The following SLC41A2 variants were observed in gnomAD, a reference collection of about 807,000 sequenced individuals.
SLC41A2 encodes SLC41A1-like 1.
SLC41A2 carries 32 observed loss-of-function variants against 58.3 expected under a neutral mutation model. The observed-to-expected ratio is 0.55, with a 90% CI of 0.41 to 0.74. The LOEUF (loss-of-function observed/expected upper bound fraction) is 0.74. SLC41A2 is among the 30% of genes least tolerant of loss of function. The probability of loss-of-function intolerance (pLI) is 0.00; values close to 1 mark genes in which losing one functional copy is unlikely to be tolerated. For missense variants in SLC41A2, 514 were observed against 680.6 expected, an observed-to-expected ratio of 0.76 and a Z score of 2.72; for synonymous variants, 190 against 235.0, an observed-to-expected ratio of 0.81 and a Z score of 1.75.
At chr12:104,807,571 C>T (rs2040970230) in intron 10 of SLC41A2, among the ~76,000 whole-genome samples, 2 of 152,238 alleles carry the variant, frequency 1.3e-5, no homozygotes, top group African/African-American at 4.8e-5. Flanking sequence ...TCCATATGAA[C>T]TTTAAAGTAG....
At position 104,943,709 on chromosome 12, in the gene SLC41A2, GA is replaced by G. The variant is rs57641660; in HGVS notation, c.-168+14378del. On this transcript the variant is annotated intron_variant, in intron 1 of 10. Transcript: ENST00000258538. The stretch of plus-strand genomic sequence containing the variant: ...AACAGTACTTGGGTTTTCCTGCTGA[GA>G]GGGGGGACTGAGAGACAGGACTAGC... 8.7e-4 allele frequency among the ~76,000 whole-genome samples: 132 copies of G among 152,278 alleles called. 1 individual carries two copies. The highest frequency in any genetic ancestry group is 3.0e-3 in the African/African-American group (125 of 41,544).
chr12:104,813,194 AT>A (rs1474669451), intron 10 of SLC41A2, among the ~76,000 whole-genome samples: 2 of 152,056 alleles, frequency 1.3e-5, no homozygotes, highest in South Asian at 4.1e-4. Context: ...AGAAAAAAAA[AT>A]AAAATAAAAA....
Position 104,860,784 on chromosome 12 carries a change from G to A in SLC41A2, c.1255+507C>T, listed in dbSNP as rs569313217. ...ATAGAGATGGGGGTCTCACTATGTT[G>A]CCCTGGCCTCAAACCCCTAACCTCA... is the stretch of plus-strand genomic sequence containing the variant. On this transcript the variant is annotated intron_variant, in intron 8 of 10. Coordinates refer to ENST00000258538, the MANE Select transcript of SLC41A2 (RefSeq NM_001352171.3). Among the ~76,000 whole-genome samples, 25 of 151,912 alleles carry A rather than the reference G, an allele frequency of 1.6e-4. No homozygotes were observed. In the South Asian group the frequency reaches 5.2e-3, roughly 32 times the overall value.
intron 6 of SLC41A2, 73 bp from the exon 7 acceptor site, chr12:104,866,652 CAA>C (rs2043480258): frequency 7.8e-7 from 1 of 1,283,280 alleles, no homozygotes; most frequent in African/African-American, 1.5e-5. Context: ...TCTAAATTAT[CAA>C]AGTTTACTAG....
intron 5 of SLC41A2, 129 bp downstream of exon 5, chr12:104,888,904 T>G (rs2044805366): frequency 3.1e-6 from 3 of 979,496 alleles, no homozygotes; most frequent in Non-Finnish European, 4.3e-6. Context: ...TAAGGCATTT[T>G]TTAAGTTTGT....
At chr12:104,896,131 A>T (rs2045270674) in intron 3 of SLC41A2, among the ~76,000 whole-genome samples, 1 of 152,190 alleles carries the variant, frequency 6.6e-6, no homozygotes, top group Admixed American at 6.5e-5. Context: ...CAAATGATCT[A>T]TAGATAAGTT....
chr12:104,853,917 T>TATTA (rs1373663794), intron 8 of SLC41A2, among the ~76,000 whole-genome samples: 2 of 54,430 alleles, frequency 3.7e-5, no homozygotes, highest in Non-Finnish European at 4.8e-5. Flanking sequence ...GCTGATTTTT[T>TATTA]TTTTTTTTTT....
intron 1 of SLC41A2, among the ~76,000 whole-genome samples, chr12:104,933,832 T>A (rs1410470478): frequency 2.0e-5 from 3 of 152,122 alleles, no homozygotes; most frequent in Non-Finnish European, 4.4e-5. Context: ...GAAAACCAAC[T>A]ACTGCATGTT....
chr12:104,853,925 T>TA (rs2042914807), intron 8 of SLC41A2, among the ~76,000 whole-genome samples: 1 of 136,880 alleles, frequency 7.3e-6, no homozygotes. Context: ...TTTTTTTTTT[T>TA]TTTTTTTTTT....
chr12:104,944,342 C>T (rs373685863), intron 1 of SLC41A2, among the ~76,000 whole-genome samples: 2 of 152,240 alleles, frequency 1.3e-5, no homozygotes, highest in Non-Finnish European at 2.9e-5. Context: ...ACATCACCTT[C>T]CCTTACTGGG....
rs1396000109 is a variant in SLC41A2, at chr12:104,804,941, T to C, written c.*211A>G. 1.0e-5 allele frequency: 4 copies of C among 394,170 alleles called. No homozygotes were observed. The highest frequency in any genetic ancestry group is 2.1e-5 in the African/African-American group (1 of 48,508). The allele number at this position is 394,170 out of a possible 1,614,324, so 24.4% of individuals were successfully genotyped here. A position where few individuals can be genotyped will look rare whatever the true frequency, so the allele number is the denominator to read the frequency against. On this transcript the variant is annotated 3_prime_UTR_variant, in exon 11 of 11. Coordinates refer to ENST00000258538, the MANE Select transcript of SLC41A2 (RefSeq NM_001352171.3). ...TATCTATGTCTATGTCAAATTATCATTTATTCTATGAAAAGCAGCACGAAT... is the reference window on the plus strand; with the variant it reads ...TATCTATGTCTATGTCAAATTATCACTTATTCTATGAAAAGCAGCACGAAT...
chr12:104,825,082 T>G (rs2041790640), intron 10 of SLC41A2, among the ~76,000 whole-genome samples: 1 of 152,192 alleles, frequency 6.6e-6, no homozygotes, highest in African/African-American at 2.4e-5. Context: ...TCTCTTTCTT[T>G]ATAATATTAA....
At chr12:104,821,179 AT>A (rs1275709897) in intron 10 of SLC41A2, among the ~76,000 whole-genome samples, 1 of 152,194 alleles carries the variant, frequency 6.6e-6, no homozygotes, top group African/African-American at 2.4e-5. Context: ...GGCTTTAAAA[AT>A]ATGTAGATAT....
intron 7 of SLC41A2, among the ~76,000 whole-genome samples, chr12:104,865,619 C>T (rs2043405090): frequency 6.6e-6 from 1 of 152,180 alleles, no homozygotes; most frequent in African/African-American, 2.4e-5. Context: ...TGTTGTCTCT[C>T]ACCTGCTGCC....
chr12:104,862,665 A>G (rs1862834051), intron 7 of SLC41A2, among the ~76,000 whole-genome samples: 1 of 152,200 alleles, frequency 6.6e-6, no homozygotes, highest in African/African-American at 2.4e-5. Flanking sequence ...TTACTTATTT[A>G]AATTGACAAT....
intron 1 of SLC41A2, among the ~76,000 whole-genome samples, chr12:104,952,377 T>C (rs1055152889): frequency 1.3e-5 from 2 of 152,166 alleles, no homozygotes; most frequent in Non-Finnish European, 2.9e-5. Context: ...CTTTATGAAC[T>C]GGGAAATTCC....
chr12:104,806,221 C>G (rs1052234707), intron 10 of SLC41A2, among the ~76,000 whole-genome samples: 3 of 152,032 alleles, frequency 2.0e-5, no homozygotes, highest in Non-Finnish European at 4.4e-5. Flanking sequence ...CCACTCCCCC[C>G]ACCCCACAAC....
chr12:104,933,492 G>A (rs2047146249), intron 1 of SLC41A2, among the ~76,000 whole-genome samples: 1 of 152,090 alleles, frequency 6.6e-6, no homozygotes, highest in Non-Finnish European at 1.5e-5. Flanking sequence ...AGAACTAAAA[G>A]TGGATCTACC....
In SLC41A2 at chr12:104,928,125, T is replaced by C. The variant is rs1338952421; in HGVS notation, c.403A>G (p.Ile135Val). 2 of 1,614,096 alleles carry C rather than the reference T, an allele frequency of 1.2e-6. No individual in the cohort carries two copies. Among genetic ancestry groups the C allele is most frequent in the East Asian group, 2.2e-5 (1 of 44,900 alleles). The change falls in exon 2 of 11, where the codon ATA becomes GTA. Residue 135 changes from isoleucine to valine, a missense_variant. Coordinates refer to ENST00000258538, the MANE Select transcript of SLC41A2 (RefSeq NM_001352171.3). ...GCATCTTCATCACCATCACTAGATA[T>C]ATCTTCATCTTGTAACATGGCAGTG... is the stretch of plus-strand genomic sequence containing the variant. ...ETTAMLQDED[I>V]SSDGDEDAIV...
Sources: gnomAD v4.1 joint callset for allele counts (sites outside exome capture counted in the v4.1 genomes callset) on GRCh38, gnomAD v4.1.1 for gene constraint, MANE v1.5 for transcripts, NCBI Gene and HGNC (gene_info 2026-07-23, HGNC 2026-07-21) for gene names.